OPRD1: variants seen among roughly 807,000 people sequenced by gnomAD.
OPRD1 encodes the protein delta-type opioid receptor.
Under a neutral mutation model 17.5 loss-of-function variants are expected in OPRD1, and 19 were observed. That is an observed-to-expected ratio of 1.09 (90% CI 0.76 to 1.60). The LOEUF (loss-of-function observed/expected upper bound fraction) is 1.60, where lower values mean the gene tolerates loss of function less well. Among genes scored for constraint, OPRD1 ranks in the 40% most tolerant of loss-of-function variants. The pLI is 0.00. For synonymous variants in OPRD1, 256 were observed against 240.9 expected (o/e 1.06, Z -0.58); for missense variants, 483 against 547.2 (o/e 0.88, Z 1.17).
At position 28,858,938 on chromosome 1, in the gene OPRD1, T is replaced by G. The variant is rs751288367; in HGVS notation, c.228-16T>G. ...TCTGTGAAATGGGATTAATTACACATGCATTTCTTTCTAAGGTACACTAAG... is the reference window on the plus strand; with the variant it reads ...TCTGTGAAATGGGATTAATTACACAGGCATTTCTTTCTAAGGTACACTAAG... On this transcript the variant is annotated splice_polypyrimidine_tract_variant and intron_variant, in intron 1 of 2. Transcript: ENST00000234961. The G allele has an allele frequency of 1.3e-6, 2 of 1,594,244 alleles. No homozygotes were observed. Among genetic ancestry groups the G allele is most frequent in the Non-Finnish European group, 1.7e-6 (2 of 1,169,966 alleles).
intron 1 of OPRD1, among the ~76,000 whole-genome samples, chr1:28,853,929 T>C (rs2089032229): frequency 6.6e-6 from 1 of 151,756 alleles, no homozygotes; most frequent in African/African-American, 2.4e-5. Context: ...TTTGTAGAGA[T>C]AGGGTTTTTC....
chr1:28,845,636 A>C (rs748688568), intron 1 of OPRD1, among the ~76,000 whole-genome samples: 5 of 152,218 alleles, frequency 3.3e-5, no homozygotes, highest in Non-Finnish European at 7.3e-5. Context: ...AATAAACACA[A>C]GAAATCATTG....
intron 2 of OPRD1, 48 bp downstream of exon 2, chr1:28,859,351 A>C: frequency 6.6e-7 from 1 of 1,519,512 alleles, no homozygotes; most frequent in Non-Finnish European, 8.9e-7. Context: ...CACAGGAGGC[A>C]GTACATGGGC....
chr1:28,858,279 A>AT (rs1032653325), intron 1 of OPRD1, among the ~76,000 whole-genome samples: 23 of 140,268 alleles, frequency 1.6e-4, no homozygotes, highest in Middle Eastern at 4.3e-3. Context: ...ACGCCCGGCT[A>AT]TTTTTTTTGT....
chr1:28,841,399 A>G (rs778682265), intron 1 of OPRD1, among the ~76,000 whole-genome samples: 2 of 152,264 alleles, frequency 1.3e-5, no homozygotes, highest in Non-Finnish European at 2.9e-5. Context: ...GAAAGCGGAC[A>G]CAGACCCAAG....
At position 28,867,499 on chromosome 1, in the gene OPRD1, C is replaced by T. The variant is rs1219185667; in HGVS notation, c.*4216C>T. On this transcript the variant is annotated 3_prime_UTR_variant, in exon 3 of 3. Coordinates refer to ENST00000234961, the MANE Select transcript of OPRD1 (RefSeq NM_000911.4). ...GGATTACAGGCGTGAGCCACCAAGCCCGGCCAATTTTTTTTTTTTTCAATA... is the reference window on the plus strand; with the variant it reads ...GGATTACAGGCGTGAGCCACCAAGCTCGGCCAATTTTTTTTTTTTTCAATA... The T allele has an allele frequency of 2.0e-5, 3 of 152,176 alleles. No individual in the cohort carries two copies. Among genetic ancestry groups the T allele is most frequent in the Non-Finnish European group, 4.4e-5 (3 of 68,072 alleles). 9.4% of individuals were successfully genotyped at this position (152,176 alleles called of 1,614,324 possible). A position where few individuals can be genotyped will look rare whatever the true frequency, so the allele number is the denominator to read the frequency against.
intron 1 of OPRD1, among the ~76,000 whole-genome samples, chr1:28,830,224 G>A (rs1216575045): frequency 1.3e-5 from 2 of 151,950 alleles, no homozygotes; most frequent in Non-Finnish European, 2.9e-5. Context: ...TACAGTGGTA[G>A]CATCCAAGAT....
At chr1:28,843,770 C>T (rs2088916664) in intron 1 of OPRD1, among the ~76,000 whole-genome samples, 2 of 152,104 alleles carry the variant, frequency 1.3e-5, no homozygotes, top group South Asian at 2.1e-4. Context: ...AAACGTGCAT[C>T]ACCACGCCCG....
At chr1:28,833,373 G>A (rs1569620650) in intron 1 of OPRD1, among the ~76,000 whole-genome samples, 1 of 152,330 alleles carries the variant, frequency 6.6e-6, no homozygotes, top group African/African-American at 2.4e-5. Context: ...CAGAGAAAAA[G>A]CACCAGTAGG....
intron 1 of OPRD1, among the ~76,000 whole-genome samples, chr1:28,851,855 CAAAAAAAAGAAAAAAAA>C (rs2089006665): frequency 1.4e-5 from 1 of 72,082 alleles, no homozygotes; most frequent in African/African-American, 5.4e-5. Flanking sequence ...AACTCCGTCT[CAAAAAAAAGAAAAAAAA>C]AAAAAAAAGA....
chr1:28,833,674 C>G (rs973067632), intron 1 of OPRD1, among the ~76,000 whole-genome samples: 1 of 152,122 alleles, frequency 6.6e-6, no homozygotes, highest in Non-Finnish European at 1.5e-5. Flanking sequence ...CTAGCCAAGT[C>G]GACACATCAG....
At chr1:28,822,990 GA>G (rs1255563164) in intron 1 of OPRD1, among the ~76,000 whole-genome samples, 1 of 152,026 alleles carries the variant, frequency 6.6e-6, no homozygotes, top group Non-Finnish European at 1.5e-5. Context: ...GGGTAGAGCA[GA>G]AAGTCTGGCT....
chr1:28,819,781 G>A (rs2088697158), intron 1 of OPRD1, among the ~76,000 whole-genome samples: 1 of 152,172 alleles, frequency 6.6e-6, no homozygotes, highest in South Asian at 2.1e-4. Context: ...GCGAGTGCTG[G>A]GGACGTCTAG....
At chr1:28,831,347 T>TA (rs1476371949) in intron 1 of OPRD1, among the ~76,000 whole-genome samples, 1 of 151,996 alleles carries the variant, frequency 6.6e-6, no homozygotes, top group Non-Finnish European at 1.5e-5. Context: ...CTGTCTCTAT[T>TA]AAAATACAAA....
chr1:28,820,926 T>A (rs1372268400), intron 1 of OPRD1, among the ~76,000 whole-genome samples: 1 of 151,842 alleles, frequency 6.6e-6, no homozygotes, highest in Non-Finnish European at 1.5e-5. Context: ...AAAAAAAAAT[T>A]TTTTTTTCTT....
At chr1:28,850,330 T>G (rs1159739191) in intron 1 of OPRD1, among the ~76,000 whole-genome samples, 1 of 151,856 alleles carries the variant, frequency 6.6e-6, no homozygotes, top group Admixed American at 6.6e-5. Flanking sequence ...CTCTACAAAT[T>G]TTATTTTTTT....
chr1:28,846,167 G>A (rs2088940841), intron 1 of OPRD1, among the ~76,000 whole-genome samples: 1 of 152,110 alleles, frequency 6.6e-6, no homozygotes, highest in Admixed American at 6.5e-5. Flanking sequence ...CCTGCTACAG[G>A]GACTTTGTAC....
At chr1:28,842,967 G>GA (rs985642016) in intron 1 of OPRD1, among the ~76,000 whole-genome samples, 1 of 149,012 alleles carries the variant, frequency 6.7e-6, no homozygotes, top group Non-Finnish European at 1.5e-5. Flanking sequence ...AGCTACTTGG[G>GA]AAAAAAAAAA....
chr1:28,855,123 G>A (rs571155846), intron 1 of OPRD1, among the ~76,000 whole-genome samples: 6 of 152,298 alleles, frequency 3.9e-5, no homozygotes, highest in South Asian at 2.1e-4. Context: ...AAATGAAGCC[G>A]CTGAAGGAGC....
Sources: gnomAD v4.1 joint callset for allele counts (sites outside exome capture counted in the v4.1 genomes callset) on GRCh38, gnomAD v4.1.1 for gene constraint, MANE v1.5 for transcripts, NCBI Gene and HGNC (gene_info 2026-07-23, HGNC 2026-07-21) for gene names.